Variants in CHCHD6 observed in about 807,000 individuals in gnomAD.
CHCHD6 encodes MICOS complex subunit MIC25.
A neutral mutation model predicts 32.3 loss-of-function variants in CHCHD6; 28 were observed. The observed-to-expected ratio is 0.87, with a 90% confidence interval of 0.64 to 1.19. The LOEUF (loss-of-function observed/expected upper bound fraction) is 1.19, where lower values mean the gene tolerates loss of function less well. CHCHD6 is among the 50% of genes most tolerant of loss of function. The pLI is 0.00. For missense variants in CHCHD6, 333 were observed against 307.0 expected (o/e 1.08, Z -0.63); for synonymous variants, 122 against 117.5 (o/e 1.04, Z -0.25).
At chr3:126,864,944 C>G (rs1245782455) in intron 5 of CHCHD6, among the ~76,000 whole-genome samples, 1 of 151,400 alleles carries the variant, frequency 6.6e-6, no homozygotes, top group Admixed American at 6.6e-5. Context: ...TCCTCCTCCA[C>G]CATCATCTCC....
chr3:126,748,026 C>T (rs887317306), intron 4 of CHCHD6, among the ~76,000 whole-genome samples: 22 of 152,012 alleles, frequency 1.4e-4, no homozygotes, highest in South Asian at 4.1e-4. Flanking sequence ...CTGGCCTCAC[C>T]GCCCTCTCCT....
At chr3:126,802,457 G>C (rs1939128085) in intron 4 of CHCHD6, among the ~76,000 whole-genome samples, 1 of 152,160 alleles carries the variant, frequency 6.6e-6, no homozygotes, top group African/African-American at 2.4e-5. Flanking sequence ...TGGAAGAAAG[G>C]GTTTCAGTGA....
intron 4 of CHCHD6, chr3:126,780,563 G>A (rs1036670257): frequency 8.7e-5 from 16 of 183,998 alleles, no homozygotes; most frequent in South Asian, 7.7e-4. Flanking sequence ...CCTTATCTTC[G>A]CCTGATTCTC....
chr3:126,812,727 C>T (rs553365499), intron 4 of CHCHD6, among the ~76,000 whole-genome samples: 19 of 152,188 alleles, frequency 1.2e-4, no homozygotes, highest in East Asian at 3.9e-4. Context: ...CCACCGTGCC[C>T]GGCCGCATCT....
intron 1 of CHCHD6, among the ~76,000 whole-genome samples, chr3:126,710,412 G>C (rs1479632200): frequency 2.0e-5 from 3 of 152,116 alleles, no homozygotes; most frequent in Admixed American, 1.3e-4. Context: ...TGTTTTATCT[G>C]TTCTGGGTCC....
At chr3:126,740,264 G>T (rs1436408941) in intron 4 of CHCHD6, among the ~76,000 whole-genome samples, 1 of 152,114 alleles carries the variant, frequency 6.6e-6, no homozygotes, top group Non-Finnish European at 1.5e-5. Flanking sequence ...ACTGTTGCTT[G>T]GTGGTCAGTG....
At chr3:126,937,692 G>A (rs529795386) in intron 6 of CHCHD6, among the ~76,000 whole-genome samples, 1 of 152,334 alleles carries the variant, frequency 6.6e-6, no homozygotes, top group East Asian at 1.9e-4. Flanking sequence ...GTGAGTCAGT[G>A]GTCCCTCATC....
At chr3:126,914,873 T>G in intron 6 of CHCHD6, 123 bp downstream of exon 6, 1 of 680,338 alleles carries the variant, frequency 1.5e-6, no homozygotes, top group Non-Finnish European at 2.7e-6. Context: ...CACAACCATC[T>G]GTTCCTCAGC....
intron 5 of CHCHD6, among the ~76,000 whole-genome samples, chr3:126,858,803 A>G (rs1941754206): frequency 6.6e-6 from 1 of 152,168 alleles, no homozygotes; most frequent in South Asian, 2.1e-4. Flanking sequence ...CTCCATGTCC[A>G]TTCAGTCTAA....
chr3:126,767,233 T>C (rs891558637), intron 4 of CHCHD6: 4 of 1,490,886 alleles, frequency 2.7e-6, no homozygotes, highest in Non-Finnish European at 3.7e-6. Flanking sequence ...CATTGTATAT[T>C]ATCTGTGCGG....
intron 1 of CHCHD6, among the ~76,000 whole-genome samples, chr3:126,720,003 C>T (rs1279214603): frequency 6.6e-6 from 1 of 152,166 alleles, no homozygotes; most frequent in Non-Finnish European, 1.5e-5. Flanking sequence ...GCCTCAGCCT[C>T]TTGAGTAGCT....
At chr3:126,772,891 C>T (rs921293723) in intron 4 of CHCHD6, among the ~76,000 whole-genome samples, 1 of 152,170 alleles carries the variant, frequency 6.6e-6, no homozygotes, top group African/African-American at 2.4e-5. Flanking sequence ...ATATTTGGTG[C>T]TCCTTTCAGG....
chr3:126,768,518 G>A (rs903616600), intron 4 of CHCHD6, among the ~76,000 whole-genome samples: 5 of 152,106 alleles, frequency 3.3e-5, no homozygotes, highest in Non-Finnish European at 7.4e-5. Context: ...GTGCAAGAAC[G>A]GACTAATACA....
intron 5 of CHCHD6, among the ~76,000 whole-genome samples, chr3:126,909,769 C>T (rs2078060206): frequency 1.3e-5 from 2 of 152,098 alleles, no homozygotes; most frequent in South Asian, 4.2e-4. Context: ...AGTCCCTGGT[C>T]ATTGGGTGCT....
intron 5 of CHCHD6, among the ~76,000 whole-genome samples, chr3:126,864,390 C>T (rs1003219397): frequency 2.3e-4 from 33 of 146,262 alleles, no homozygotes; most frequent in African/African-American, 7.8e-4. Context: ...CACTACTACA[C>T]CACCACCTCC....
At chr3:126,793,113 C>T (rs775252646) in intron 4 of CHCHD6, among the ~76,000 whole-genome samples, 1 of 152,032 alleles carries the variant, frequency 6.6e-6, no homozygotes, top group Non-Finnish European at 1.5e-5. Flanking sequence ...CTTTATTCTA[C>T]CTACATAAAT....
At chr3:126,734,009 G>T (rs1935927757) in intron 4 of CHCHD6, among the ~76,000 whole-genome samples, 1 of 152,150 alleles carries the variant, frequency 6.6e-6, no homozygotes, top group Non-Finnish European at 1.5e-5. Flanking sequence ...GGCTGTTACT[G>T]CCCCACAAGT....
intron 6 of CHCHD6, among the ~76,000 whole-genome samples, chr3:126,926,600 G>A (rs1317426231): frequency 6.6e-6 from 1 of 152,156 alleles, no homozygotes; most frequent in African/African-American, 2.4e-5. Context: ...GGAAAGATGG[G>A]GACCAGGCAT....
chr3:126,864,017 A>C (rs370545224), intron 5 of CHCHD6, among the ~76,000 whole-genome samples: 1,999 of 25,090 alleles, frequency 0.08, no homozygotes, highest in Middle Eastern at 0.14. Flanking sequence ...ACTATCACCA[A>C]CTCCTTCACC....
Sources: allele counts gnomAD v4.1 joint callset (sites outside exome capture counted in the v4.1 genomes callset), GRCh38; gene constraint gnomAD v4.1.1; transcripts MANE v1.5; gene names NCBI Gene and HGNC (gene_info 2026-07-23, HGNC 2026-07-21).